Variants in PTPRD observed in about 807,000 individuals in gnomAD.
The protein encoded by PTPRD is protein tyrosine phosphatase receptor type D, also known as receptor-type tyrosine-protein phosphatase delta.
A neutral mutation model predicts 214.5 loss-of-function variants in PTPRD; 34 were observed. That is an observed-to-expected ratio of 0.16 (90% CI 0.12 to 0.21). The LOEUF is 0.21. Among genes scored for constraint, PTPRD ranks in the 10% least tolerant of loss-of-function variants. The pLI is 1.00. For missense variants in PTPRD, 2,545 were observed against 2,398.7 expected (o/e 1.06, Z -1.27); for synonymous variants, 1,128 against 845.7 (o/e 1.33, Z -5.79).
intron 7 of PTPRD, among the ~76,000 whole-genome samples, chr9:9,729,051 T>C (rs2098140087): frequency 6.6e-6 from 1 of 152,126 alleles, no homozygotes; most frequent in African/African-American, 2.4e-5. Context: ...TGTCAAAATA[T>C]GTCTTTGGAA....
chr9:8,640,568 A>C (rs1378690496), intron 12 of PTPRD, among the ~76,000 whole-genome samples: 36 of 151,216 alleles, frequency 2.4e-4, no homozygotes, highest in Admixed American at 6.6e-4. Flanking sequence ...AAACAAAAAA[A>C]AAAAAAACAA....
intron 8 of PTPRD, among the ~76,000 whole-genome samples, chr9:9,399,529 T>C (rs1041852381): frequency 6.6e-6 from 1 of 152,226 alleles, no homozygotes; most frequent in South Asian, 2.1e-4. Context: ...GTCAAAGTTT[T>C]CAAAGTGTTC....
At chr9:9,089,885 G>C (rs1283344546) in intron 10 of PTPRD, among the ~76,000 whole-genome samples, 1 of 152,066 alleles carries the variant, frequency 6.6e-6, no homozygotes, top group Non-Finnish European at 1.5e-5. Flanking sequence ...CACTGTGTTT[G>C]AAAAATGAAA....
chr9:10,244,659 T>C lies in PTPRD; in HGVS notation c.-545+96304A>G, dbSNP rs529925500. ...AAACATTATTTCATACCAGTTCAAA[T>C]CTCATAGAGCCCCTCTTGAAAATAT... On this transcript the variant is annotated intron_variant, in intron 3 of 45. Transcript: ENST00000381196. Among the ~76,000 whole-genome samples, 12 of 152,208 alleles carry C rather than the reference T, an allele frequency of 7.9e-5. No homozygotes were observed. The East Asian group carries it at 2.3e-3, about 29-fold the overall frequency.
At chr9:8,945,232 T>C (rs1048784939) in intron 11 of PTPRD, among the ~76,000 whole-genome samples, 1 of 152,046 alleles carries the variant, frequency 6.6e-6, no homozygotes, top group Non-Finnish European at 1.5e-5. Context: ...TTAATTATGA[T>C]GGAACTGGAA....
chr9:9,141,509 C>T (rs771774994), intron 10 of PTPRD, among the ~76,000 whole-genome samples: 5 of 151,654 alleles, frequency 3.3e-5, no homozygotes, highest in Non-Finnish European at 7.4e-5. Flanking sequence ...TATTATTTTT[C>T]CACTACACTA....
chr9:10,165,389 G>A (rs577730087), intron 3 of PTPRD, among the ~76,000 whole-genome samples: 1 of 151,792 alleles, frequency 6.6e-6, no homozygotes, highest in African/African-American at 2.4e-5. Flanking sequence ...TTGTTAACTT[G>A]CAGGATTTCT....
At chr9:8,803,968 C>T (rs1024870312) in intron 11 of PTPRD, among the ~76,000 whole-genome samples, 1 of 151,770 alleles carries the variant, frequency 6.6e-6, no homozygotes, top group Non-Finnish European at 1.5e-5. Flanking sequence ...CTCCACCCCC[C>T]CACAGACGGA....
chr9:10,484,790 T>C (rs1231770466), intron 2 of PTPRD, among the ~76,000 whole-genome samples: 1 of 152,114 alleles, frequency 6.6e-6, no homozygotes, highest in African/African-American at 2.4e-5. Flanking sequence ...ATGTGTAGTT[T>C]GCAAATATTT....
At chr9:10,245,945 T>A (rs997994240) in intron 3 of PTPRD, among the ~76,000 whole-genome samples, 1 of 152,184 alleles carries the variant, frequency 6.6e-6, no homozygotes, top group Non-Finnish European at 1.5e-5. Flanking sequence ...AAATCAGTGA[T>A]AGAACACTTT....
intron 7 of PTPRD, among the ~76,000 whole-genome samples, chr9:9,705,110 C>A (rs983815398): frequency 6.6e-6 from 1 of 152,080 alleles, no homozygotes. Flanking sequence ...GAGCACTTCA[C>A]GTGAAGCTAG....
chr9:9,228,660 G>A (rs1474072961), intron 9 of PTPRD, among the ~76,000 whole-genome samples: 1 of 151,892 alleles, frequency 6.6e-6, no homozygotes, highest in African/African-American at 2.4e-5. Flanking sequence ...TTCTGTTCCT[G>A]CATTTGTAAA....
intron 11 of PTPRD, among the ~76,000 whole-genome samples, chr9:8,942,066 A>G (rs564160153): frequency 6.6e-6 from 1 of 152,304 alleles, no homozygotes; most frequent in South Asian, 2.1e-4. Flanking sequence ...TCAGCCTTCC[A>G]AAGTGCTGGA....
At chr9:10,553,625 A>C (rs890645142) in intron 2 of PTPRD, among the ~76,000 whole-genome samples, 1 of 152,122 alleles carries the variant, frequency 6.6e-6, no homozygotes, top group African/African-American at 2.4e-5. Flanking sequence ...TTTACTTGTC[A>C]ATATATTTTA....
intron 5 of PTPRD, among the ~76,000 whole-genome samples, chr9:9,914,344 C>A (rs150285816): frequency 6.6e-6 from 1 of 152,192 alleles, no homozygotes; most frequent in African/African-American, 2.4e-5. Flanking sequence ...AGTGGGCACA[C>A]CCATGGGCCA....
chr9:8,889,776 G>C (rs192858006), intron 11 of PTPRD, among the ~76,000 whole-genome samples: 2 of 152,268 alleles, frequency 1.3e-5, no homozygotes, highest in East Asian at 3.9e-4. Flanking sequence ...TCCAGGTTGC[G>C]TGAATGTCAT....
intron 11 of PTPRD, among the ~76,000 whole-genome samples, chr9:8,763,378 G>T (rs1285218947): frequency 1.3e-5 from 2 of 151,942 alleles, no homozygotes; most frequent in African/African-American, 4.8e-5. Flanking sequence ...GCTGGGTATG[G>T]TGGCTCATGC....
At chr9:9,934,876 C>T (rs28760058) in intron 5 of PTPRD, among the ~76,000 whole-genome samples, 1 of 152,070 alleles carries the variant, frequency 6.6e-6, no homozygotes, top group African/African-American at 2.4e-5. Context: ...AGCTTATCAA[C>T]CATGATCAAG....
chr9:9,631,205 A>G (rs1173551720), intron 7 of PTPRD, among the ~76,000 whole-genome samples: 1 of 90,952 alleles, frequency 1.1e-5, no homozygotes, highest in Non-Finnish European at 3.2e-5. Flanking sequence ...AAATAAATAA[A>G]TAAATAAATA....
Sources: gnomAD v4.1 joint callset for allele counts (sites outside exome capture counted in the v4.1 genomes callset) on GRCh38, gnomAD v4.1.1 for gene constraint, MANE v1.5 for transcripts, NCBI Gene and HGNC (gene_info 2026-07-23, HGNC 2026-07-21) for gene names.